OXR1: variants seen among roughly 807,000 people sequenced by gnomAD.
OXR1 encodes oxidation resistance 1, also known as oxidation resistance protein 1.
In OXR1, 41 loss-of-function variants were observed where a neutral mutation model predicts 104.6. That is an observed-to-expected ratio of 0.39 (90% CI 0.31 to 0.51). The LOEUF (loss-of-function observed/expected upper bound fraction) is 0.51, where lower values mean the gene tolerates loss of function less well. OXR1 is among the 20% of genes least tolerant of loss of function. The pLI, the probability that OXR1 is intolerant of heterozygous loss-of-function variation, is 0.77. For synonymous variants in OXR1, 348 were observed against 348.4 expected (o/e 1.00, Z 0.01); for missense variants, 955 against 1,031.9 (o/e 0.93, Z 1.02).
At chr8:106,297,995 G>A (rs969621534) in intron 1 of OXR1, among the ~76,000 whole-genome samples, 7 of 152,158 alleles carry the variant, frequency 4.6e-5, no homozygotes, top group East Asian at 1.9e-4. Context: ...ATGATCTGGC[G>A]ACAAACCAAA....
chr8:106,408,066 A>C (rs1818308279), intron 2 of OXR1, among the ~76,000 whole-genome samples: 1 of 152,196 alleles, frequency 6.6e-6, no homozygotes, highest in African/African-American at 2.4e-5. Flanking sequence ...TAGTGGGTGC[A>C]GGCCAGTGAT....
At chr8:106,669,455 G>T (rs1415736632) in intron 3 of OXR1, among the ~76,000 whole-genome samples, 2 of 152,038 alleles carry the variant, frequency 1.3e-5, no homozygotes, top group Non-Finnish European at 2.9e-5. Context: ...TTTTTGTTTT[G>T]ATCGTGGATA....
intron 2 of OXR1, among the ~76,000 whole-genome samples, chr8:106,432,949 A>G (rs562050893): frequency 9.2e-5 from 14 of 152,270 alleles, no homozygotes; most frequent in Non-Finnish European, 1.9e-4. Flanking sequence ...TTCTCATGTC[A>G]AAGTATGTCC....
intron 1 of OXR1, among the ~76,000 whole-genome samples, chr8:106,350,215 G>A (rs1815667130): frequency 6.6e-6 from 1 of 152,086 alleles, no homozygotes; most frequent in South Asian, 2.1e-4. Context: ...AGGGACAAAA[G>A]TTGTCTTTAT....
chr8:106,657,881 TC>T (rs1428495594), intron 3 of OXR1: 4 of 1,242,424 alleles, frequency 3.2e-6, no homozygotes, highest in Non-Finnish European at 4.1e-6. Context: ...CGGAGCCGCC[TC>T]CCCTGGGTCA....
At chr8:106,689,237 T>C (rs1452159744) in intron 6 of OXR1, among the ~76,000 whole-genome samples, 1 of 152,094 alleles carries the variant, frequency 6.6e-6, no homozygotes, top group Non-Finnish European at 1.5e-5. Context: ...CCAAGTATCA[T>C]TGGCATTCCT....
chr8:106,553,644 T>C (rs1448815674), intron 3 of OXR1, among the ~76,000 whole-genome samples: 1 of 152,180 alleles, frequency 6.6e-6, no homozygotes, highest in Non-Finnish European at 1.5e-5. Context: ...ATATAATTTG[T>C]ATTCCAGTAT....
chr8:106,707,028 C>A lies in OXR1; in HGVS notation c.1507C>A (p.Arg503Ser). 2 of 1,613,778 alleles carry A rather than the reference C, an allele frequency of 1.2e-6. No individual in the cohort carries two copies. The highest frequency in any genetic ancestry group is 2.2e-5 in the South Asian group (2 of 91,050). ...CTCACAGACAGAGGCAGAAGAGCTA[C>A]GCAAACTTTGGAAAACCCATACTAT... ...QDSQTEAEEL[R>S]KLWKTHTMQQ... The change falls in exon 9 of 17, where the codon CGC becomes AGC. Residue 503 changes from arginine to serine, a missense_variant. Physicochemically the swap from Arg to Ser is moderately radical, Grantham distance 110. This residue lies in a region of OXR1 where 849 missense variants were observed against 852.9 expected (regional missense o/e 1.00). Transcript: ENST00000517566.
At chr8:106,690,992 G>T (rs757282750) in intron 6 of OXR1, among the ~76,000 whole-genome samples, 1 of 151,924 alleles carries the variant, frequency 6.6e-6, no homozygotes, top group Non-Finnish European at 1.5e-5. Flanking sequence ...AGGCAAGAAG[G>T]GAAGTGGACA....
chr8:106,272,020 C>G (rs1299371974), intron 1 of OXR1: 1 of 152,174 alleles, frequency 6.6e-6, no homozygotes, highest in East Asian at 1.9e-4. Context: ...CCAGCGGGGC[C>G]GAGAAGCAGG....
intron 3 of OXR1, among the ~76,000 whole-genome samples, chr8:106,675,814 GT>G (rs1447442675): frequency 4.6e-5 from 7 of 152,160 alleles, no homozygotes; most frequent in African/African-American, 1.4e-4. Context: ...ATTTGCTCCA[GT>G]GCTGAGTTCT....
At chr8:106,281,665 T>G (rs1425402656) in intron 1 of OXR1, among the ~76,000 whole-genome samples, 1 of 151,996 alleles carries the variant, frequency 6.6e-6, no homozygotes, top group Non-Finnish European at 1.5e-5. Context: ...CCGGGTGCAC[T>G]GGCGCACGCC....
intron 3 of OXR1, among the ~76,000 whole-genome samples, chr8:106,591,330 G>A (rs113749669): frequency 0.34 from 46,848 of 136,168 alleles, 9,021 homozygotes; most frequent in African/African-American, 0.49. Flanking sequence ...GCATTAGGAG[G>A]TATACCTAAT....
intron 1 of OXR1, among the ~76,000 whole-genome samples, chr8:106,291,771 A>G (rs908818301): frequency 2.6e-5 from 4 of 152,182 alleles, no homozygotes; most frequent in African/African-American, 9.7e-5. Context: ...GAGGGCTCAC[A>G]ATCATGGCAG....
At chr8:106,523,353 T>C (rs1240069827) in intron 3 of OXR1, among the ~76,000 whole-genome samples, 1 of 152,072 alleles carries the variant, frequency 6.6e-6, no homozygotes, top group Non-Finnish European at 1.5e-5. Context: ...GTTATGCAGG[T>C]ATGTACACCA....
In OXR1 at chr8:106,752,072, A is replaced by G. The variant is rs1274625704; in HGVS notation, c.*1131A>G. 1 of 152,576 alleles carries G rather than the reference A, an allele frequency of 6.6e-6. No homozygotes were observed. The highest frequency in any genetic ancestry group is 2.4e-5 in the African/African-American group (1 of 41,460). The allele number at this position is 152,576 out of a possible 1,614,324, so 9.5% of individuals were successfully genotyped here. On this transcript the variant is annotated 3_prime_UTR_variant, in exon 17 of 17. Transcript: ENST00000517566. ...TCTTATCCTCTTTTGTAGGAAACCA[A>G]TAATAGCCATTGTGGCAATAATTCA...
At chr8:106,331,884 G>T (rs911846306) in intron 1 of OXR1, among the ~76,000 whole-genome samples, 2 of 151,530 alleles carry the variant, frequency 1.3e-5, no homozygotes, top group East Asian at 3.9e-4. Context: ...GTTGTAGTGA[G>T]ACAAGAACGC....
intron 3 of OXR1, among the ~76,000 whole-genome samples, chr8:106,599,062 G>A (rs1390068530): frequency 6.6e-6 from 1 of 152,186 alleles, no homozygotes; most frequent in Non-Finnish European, 1.5e-5. Flanking sequence ...AGGGGACATT[G>A]TAGACAAGTT....
At chr8:106,378,249 T>C (rs1271201706) in intron 2 of OXR1, among the ~76,000 whole-genome samples, 1 of 152,140 alleles carries the variant, frequency 6.6e-6, no homozygotes, top group Non-Finnish European at 1.5e-5. Flanking sequence ...AGTGACACAG[T>C]GAAACTCGCA....
Sources: gnomAD v4.1 joint callset for allele counts (sites outside exome capture counted in the v4.1 genomes callset) on GRCh38, gnomAD v4.1.1 for gene constraint, gnomAD v4.1.1 regional missense constraint, MANE v1.5 for transcripts, NCBI Gene and HGNC (gene_info 2026-07-23, HGNC 2026-07-21) for gene names.